CLMN: variants seen among roughly 807,000 people sequenced by gnomAD.
CLMN encodes calmin (calponin-like, transmembrane).
Under a neutral mutation model 92.7 loss-of-function variants are expected in CLMN, and 57 were observed. The ratio of observed to expected loss-of-function variants is 0.61; its 90% CI spans 0.50 to 0.77. The LOEUF (loss-of-function observed/expected upper bound fraction) is 0.77, where lower values mean the gene tolerates loss of function less well. CLMN is among the 30% of genes least tolerant of loss of function. CLMN has a pLI of 0.00. For missense variants in CLMN, 1,158 were observed against 1,237.5 expected, an observed-to-expected ratio of 0.94 and a Z score of 0.96; for synonymous variants, 466 against 470.6, an observed-to-expected ratio of 0.99 and a Z score of 0.13.
At chr14:95,266,075 G>A (rs775100704) in intron 1 of CLMN, among the ~76,000 whole-genome samples, 1 of 152,196 alleles carries the variant, frequency 6.6e-6, no homozygotes, top group Non-Finnish European at 1.5e-5. Flanking sequence ...TTTGATTTGG[G>A]AATTTACAAA....
intron 1 of CLMN, among the ~76,000 whole-genome samples, chr14:95,262,517 T>C (rs1899298123): frequency 6.6e-6 from 1 of 152,206 alleles, no homozygotes; most frequent in Admixed American, 6.5e-5. Flanking sequence ...GACAGTATCG[T>C]ATCCAATCTT....
intron 12 of CLMN, 84 bp downstream of exon 12, chr14:95,193,765 G>A: frequency 1.3e-6 from 2 of 1,519,550 alleles, no homozygotes; most frequent in Non-Finnish European, 1.8e-6. Flanking sequence ...AGCAGTGGGA[G>A]AATAACCACC....
At chr14:95,319,090 G>T (rs1428247414) in intron 1 of CLMN, among the ~76,000 whole-genome samples, 1 of 152,114 alleles carries the variant, frequency 6.6e-6, no homozygotes, top group East Asian at 1.9e-4. Flanking sequence ...CAGCGTGGGG[G>T]AAGGGTGGGG....
chr14:95,292,428 T>TCCCCCCCCCCCCCC (rs1263766978), intron 1 of CLMN, among the ~76,000 whole-genome samples: 321 of 74,046 alleles, frequency 4.3e-3, no homozygotes, highest in Admixed American at 0.01. Context: ...CCCCCAAGGG[T>TCCCCCCCCCCCCCC]CCCCCACCCC....
At chr14:95,225,428 G>A (rs1408609235) in intron 2 of CLMN, among the ~76,000 whole-genome samples, 2 of 152,220 alleles carry the variant, frequency 1.3e-5, no homozygotes, top group African/African-American at 4.8e-5. Flanking sequence ...GGACTGGGCT[G>A]GAATGCAATG....
rs559535360 is a variant in CLMN, at chr14:95,272,312, GA to G, written c.83-42180del. Among the ~76,000 whole-genome samples the G allele has an allele frequency of 4.7e-5, 7 of 150,414 alleles. No individual in the cohort carries two copies. The South Asian group carries it at 1.5e-3, about 31-fold the overall frequency. Reference sequence around the variant, plus strand: ...AGAGGGGAGGAGGGCACTCCAGGAAGAGGAGGAGGAGGGTATTAGAGGGATC... The same window carrying G: ...AGAGGGGAGGAGGGCACTCCAGGAAGGGAGGAGGAGGGTATTAGAGGGATC... On this transcript the variant is annotated intron_variant, in intron 1 of 12. Transcript: ENST00000298912.
chr14:95,207,654 A>C (rs1330587228), intron 8 of CLMN, among the ~76,000 whole-genome samples: 1 of 152,172 alleles, frequency 6.6e-6, no homozygotes, highest in East Asian at 1.9e-4. Flanking sequence ...TTCAATATAG[A>C]TGTGTATCAG....
chr14:95,216,615 G>A (rs1426444752), intron 4 of CLMN, among the ~76,000 whole-genome samples: 1 of 152,166 alleles, frequency 6.6e-6, no homozygotes, highest in East Asian at 1.9e-4. Context: ...GACTGTGGTG[G>A]GTGAGTTGAC....
At chr14:95,319,664 G>GC (rs773538290) in intron 1 of CLMN, 47 bp downstream of exon 1, 2 of 1,496,854 alleles carry the variant, frequency 1.3e-6, no homozygotes, top group Non-Finnish European at 1.8e-6. Flanking sequence ...GGCGCCCCGG[G>GC]CCCCCCGAGC....
At position 95,230,055 on chromosome 14, in the gene CLMN, C is replaced by T. The variant is rs373511305; in HGVS notation, c.144+17G>A. ...AGATGAATCTATCACTTAGCAAACA[C>T]CCAAGTGCGCCATTACCTTTTCTAG... On this transcript the variant is annotated intron_variant, in intron 2 of 12. Coordinates refer to ENST00000298912, the MANE Select transcript of CLMN (RefSeq NM_024734.4). 3.7e-6 allele frequency: 6 copies of T among 1,612,506 alleles called. No homozygotes were observed. In the African/African-American group the frequency reaches 8.0e-5, roughly 22 times the overall value.
intron 9 of CLMN, among the ~76,000 whole-genome samples, chr14:95,200,274 T>C (rs1195221636): frequency 6.6e-6 from 1 of 152,070 alleles, no homozygotes. Context: ...GCTGGGCCCA[T>C]CTCTAATGGC....
chr14:95,269,407 T>C (rs1340161732), intron 1 of CLMN, among the ~76,000 whole-genome samples: 3 of 152,250 alleles, frequency 2.0e-5, no homozygotes, highest in African/African-American at 7.2e-5. Flanking sequence ...ATGAGTATAA[T>C]ATCATTGTTC....
intron 10 of CLMN, 111 bp downstream of exon 10, chr14:95,196,387 C>T: frequency 9.3e-7 from 1 of 1,071,012 alleles, no homozygotes; most frequent in Non-Finnish European, 1.3e-6. Context: ...CTGTATTTCC[C>T]TTGCTGTCCA....
intron 1 of CLMN, chr14:95,307,633 T>C (rs925636772): frequency 2.0e-5 from 3 of 152,276 alleles, no homozygotes; most frequent in African/African-American, 7.2e-5. Flanking sequence ...AACCTCCTGC[T>C]TTCGGCACCC....
At chr14:95,245,473 CGGAT>C (rs760529305) in intron 1 of CLMN, among the ~76,000 whole-genome samples, 57 of 146,330 alleles carry the variant, frequency 3.9e-4, no homozygotes, top group African/African-American at 5.8e-4. Context: ...GATGGATGGA[CGGAT>C]GGATGGATGG....
intron 12 of CLMN, chr14:95,193,552 T>C: frequency 4.5e-6 from 3 of 670,638 alleles, no homozygotes; most frequent in South Asian, 2.0e-5. Flanking sequence ...AACCACCCTA[T>C]ACTCTATACC....
intron 7 of CLMN, 26 bp from the exon 8 acceptor site, chr14:95,209,503 C>G: frequency 1.3e-6 from 2 of 1,569,774 alleles, no homozygotes; most frequent in South Asian, 1.1e-5. Flanking sequence ...CAGGAATTAG[C>G]AGGAGATACA....
chr14:95,300,560 T>C (rs1275324632), intron 1 of CLMN, among the ~76,000 whole-genome samples: 3 of 152,210 alleles, frequency 2.0e-5, no homozygotes, highest in Non-Finnish European at 4.4e-5. Flanking sequence ...CTCAGGGCAA[T>C]AGAGCATGTC....
At chr14:95,244,981 A>G (rs1595618795) in intron 1 of CLMN, among the ~76,000 whole-genome samples, 2 of 109,444 alleles carry the variant, frequency 1.8e-5, no homozygotes. Context: ...ATACACATAT[A>G]TGTGTATACA....
Sources: gnomAD v4.1 joint callset for allele counts (sites outside exome capture counted in the v4.1 genomes callset) on GRCh38, gnomAD v4.1.1 for gene constraint, MANE v1.5 for transcripts, NCBI Gene and HGNC (gene_info 2026-07-23, HGNC 2026-07-21) for gene names.